Variants in AVEN observed in about 807,000 individuals in gnomAD.
AVEN encodes cell death regulator Aven.
A neutral mutation model predicts 38.1 loss-of-function variants in AVEN; 41 were observed. That is an observed-to-expected ratio of 1.08 (90% CI 0.84 to 1.40). AVEN has a LOEUF of 1.40. Ranked by LOEUF, AVEN falls within the 40% of genes most tolerant of loss-of-function variation. AVEN has a pLI of 0.00. For synonymous variants in AVEN, 206 were observed against 171.8 expected (o/e 1.20, Z -1.56); for missense variants, 605 against 438.8 (o/e 1.38, Z -3.38).
intron 1 of AVEN, among the ~76,000 whole-genome samples, chr15:34,029,782 G>T (rs1339064639): frequency 6.6e-6 from 1 of 152,106 alleles, no homozygotes; most frequent in Non-Finnish European, 1.5e-5. Context: ...ATCTGTAATA[G>T]GGATTAAGAC....
intron 1 of AVEN, among the ~76,000 whole-genome samples, chr15:34,025,757 C>CGTGTGT (rs150188349): frequency 8.3e-5 from 11 of 132,938 alleles, no homozygotes. Context: ...TTTGGTTTTG[C>CGTGTGT]GTGTGTGTGT....
chr15:33,867,402 C>A, intron 5 of AVEN, 93 bp downstream of exon 5: 1 of 1,473,680 alleles, frequency 6.8e-7, no homozygotes, highest in Non-Finnish European at 9.0e-7. Context: ...ATGTCAGACA[C>A]CCAGAGGGAT....
At chr15:34,006,430 A>G (rs1458705754) in intron 1 of AVEN, among the ~76,000 whole-genome samples, 1 of 152,224 alleles carries the variant, frequency 6.6e-6, no homozygotes, top group African/African-American at 2.4e-5. Flanking sequence ...CATTGGGTGA[A>G]CAGAGTTCAG....
intron 2 of AVEN, among the ~76,000 whole-genome samples, chr15:33,955,746 G>A (rs572953535): frequency 1.6e-4 from 24 of 152,200 alleles, no homozygotes; most frequent in Admixed American, 1.2e-3. Flanking sequence ...ATCTCTCTCC[G>A]AATCAGTTAC....
chr15:33,868,894 A>C (rs1890816863), intron 4 of AVEN, among the ~76,000 whole-genome samples: 2 of 152,174 alleles, frequency 1.3e-5, no homozygotes, highest in Admixed American at 1.3e-4. Flanking sequence ...GTTATACTTT[A>C]ATAAAAGTTA....
At chr15:33,946,121 G>T (rs1040935730) in intron 2 of AVEN, among the ~76,000 whole-genome samples, 5 of 152,154 alleles carry the variant, frequency 3.3e-5, no homozygotes, top group African/African-American at 1.2e-4. Flanking sequence ...TGGTTAAACA[G>T]AGTGGATGGA....
chr15:33,857,438 TACTC>T (rs547460417), downstream of AVEN, among the ~76,000 whole-genome samples: 61 of 152,054 alleles, frequency 4.0e-4, no homozygotes, highest in Non-Finnish European at 7.6e-4. Flanking sequence ...CAGTTTAACT[TACTC>T]ACCTCTTTGA....
At chr15:34,013,207 G>A (rs989464905) in intron 1 of AVEN, among the ~76,000 whole-genome samples, 19 of 152,096 alleles carry the variant, frequency 1.2e-4, no homozygotes, top group African/African-American at 3.1e-4. Context: ...GATTACAGGC[G>A]CGCGCCACCA....
intron 2 of AVEN, among the ~76,000 whole-genome samples, chr15:33,986,846 A>G (rs943710215): frequency 7.2e-5 from 11 of 151,916 alleles, no homozygotes; most frequent in African/African-American, 2.7e-4. Context: ...TTTAGTAGAG[A>G]TGGGGTTTCA....
intron 2 of AVEN, among the ~76,000 whole-genome samples, chr15:33,913,927 A>G (rs745956766): frequency 1.3e-5 from 2 of 152,238 alleles, no homozygotes; most frequent in Non-Finnish European, 2.9e-5. Flanking sequence ...AAAATGGGAA[A>G]TATGTGGATA....
At position 34,063,415 on chromosome 15, in the gene AVEN, C is replaced by G; in HGVS notation, n.1144G>C. 1 of 1,613,996 alleles carries G rather than the reference C, an allele frequency of 6.2e-7. No individual in the cohort carries two copies. The highest frequency in any genetic ancestry group is 8.5e-7 in the Non-Finnish European group (1 of 1,180,048). Reference sequence around the variant, plus strand: ...AAGGACCTGGCTGACCTCCAGGGTTCTGACTCTGTGACCAAAGCTGAGAAG... The same window carrying G: ...AAGGACCTGGCTGACCTCCAGGGTTGTGACTCTGTGACCAAAGCTGAGAAG... On this transcript the variant is annotated non_coding_transcript_exon_variant, in exon 5 of 12. Coordinates refer to the AVEN transcript ENST00000675287. This position sits in a 1 kb window ranked among gnomAD's most constrained non-coding sequence, Gnocchi z 4.1.
intron 5 of AVEN, among the ~76,000 whole-genome samples, chr15:34,059,871 A>G (rs143367577): frequency 6.4e-4 from 97 of 152,216 alleles, no homozygotes; most frequent in African/African-American, 1.5e-3. Flanking sequence ...CTGCTAATTT[A>G]TTTACATTCC....
At chr15:33,862,723 G>A (rs1261344733), downstream of AVEN, among the ~76,000 whole-genome samples, 1 of 151,624 alleles carries the variant, frequency 6.6e-6, no homozygotes, top group African/African-American at 2.4e-5. Context: ...TGATTCTCCT[G>A]CCTCAGCCTC....
At chr15:33,945,947 ACTC>A (rs1300171631) in intron 2 of AVEN, among the ~76,000 whole-genome samples, 3 of 152,058 alleles carry the variant, frequency 2.0e-5, no homozygotes, top group African/African-American at 4.8e-5. Context: ...AATAAAAAGA[ACTC>A]CTGATTCTTT....
chr15:33,904,694 A>AAAAAAAATATAT (rs1464894437), intron 2 of AVEN, among the ~76,000 whole-genome samples: 1 of 112,746 alleles, frequency 8.9e-6, no homozygotes, highest in African/African-American at 2.9e-5. Context: ...AAAAAAAAAA[A>AAAAAAAATATAT]ATATATATAT....
intron 2 of AVEN, among the ~76,000 whole-genome samples, chr15:33,907,205 T>C (rs1307586665): frequency 6.6e-6 from 1 of 152,224 alleles, no homozygotes; most frequent in Non-Finnish European, 1.5e-5. Context: ...AGTTGTTTTC[T>C]GACACCTACT....
chr15:33,951,561 T>TAAA (rs77164036), intron 2 of AVEN, among the ~76,000 whole-genome samples: 1 of 94,198 alleles, frequency 1.1e-5, no homozygotes, highest in African/African-American at 3.7e-5. Flanking sequence ...TAAAGTATAA[T>TAAA]AAAAAAAAAA....
intron 1 of AVEN, among the ~76,000 whole-genome samples, chr15:34,017,879 A>C (rs1198804481): frequency 6.6e-6 from 1 of 152,166 alleles, no homozygotes; most frequent in Non-Finnish European, 1.5e-5. Context: ...TATTTACAAC[A>C]GTGGTCCCAT....
chr15:33,857,906 A>C (rs1000224467), downstream of AVEN: 4 of 1,613,886 alleles, frequency 2.5e-6, no homozygotes, highest in Non-Finnish European at 3.4e-6. Flanking sequence ...GTGCGACGAC[A>C]TGATGACGGT....
Sources: allele counts gnomAD v4.1 joint callset (sites outside exome capture counted in the v4.1 genomes callset), GRCh38; gene constraint gnomAD v4.1.1; non-coding constraint Gnocchi (gnomAD v3.1); transcripts MANE v1.5; gene names NCBI Gene and HGNC (gene_info 2026-07-23, HGNC 2026-07-21).